The following MED13L variants were observed in gnomAD, a reference collection of about 807,000 sequenced individuals.
MED13L encodes mediator of RNA polymerase II transcription subunit 13-like.
Under a neutral mutation model 220.9 loss-of-function variants are expected in MED13L, and 7 were observed. That is an observed-to-expected ratio of 0.03 (90% confidence interval 0.02 to 0.06). The LOEUF (loss-of-function observed/expected upper bound fraction) is 0.06. Ranked by LOEUF, MED13L falls within the 10% of genes least tolerant of loss-of-function variation. The probability of loss-of-function intolerance (pLI) is 1.00; values close to 1 mark genes in which losing one functional copy is unlikely to be tolerated. For missense variants in MED13L, 1,965 were observed against 2,760.5 expected (o/e 0.71, Z 6.46); for synonymous variants, 1,011 against 1,015.2 (o/e 1.00, Z 0.08).
chr12:115,984,639 A>C (rs961293696), intron 19 of MED13L, among the ~76,000 whole-genome samples: 1 of 152,180 alleles, frequency 6.6e-6, no homozygotes, highest in African/African-American at 2.4e-5. Context: ...CCTCCTGTAC[A>C]AGAGGAGGCT....
At chr12:116,162,471 G>C (rs1490511595) in intron 2 of MED13L, among the ~76,000 whole-genome samples, 1 of 152,146 alleles carries the variant, frequency 6.6e-6, no homozygotes, top group East Asian at 1.9e-4. Flanking sequence ...TAATACAAGA[G>C]GGTTAAGGAT....
intron 4 of MED13L, among the ~76,000 whole-genome samples, chr12:116,031,826 AAG>A (rs1341882969): frequency 2.0e-5 from 3 of 150,738 alleles, no homozygotes; most frequent in African/African-American, 7.3e-5. Flanking sequence ...GAAAAAAAGA[AAG>A]AAAGTGGTGA....
intron 4 of MED13L, among the ~76,000 whole-genome samples, chr12:116,080,507 A>G (rs1309255995): frequency 6.6e-6 from 1 of 152,204 alleles, no homozygotes; most frequent in Non-Finnish European, 1.5e-5. Flanking sequence ...ACACTGCAGC[A>G]AATTCACAAG....
At chr12:116,109,651 G>A (rs1177092585) in intron 3 of MED13L, among the ~76,000 whole-genome samples, 1 of 152,148 alleles carries the variant, frequency 6.6e-6, no homozygotes, top group East Asian at 1.9e-4. Flanking sequence ...CTTTATTCTG[G>A]TACAGGATTA....
At chr12:116,207,547 A>C (rs1241489928) in intron 2 of MED13L, among the ~76,000 whole-genome samples, 2 of 152,178 alleles carry the variant, frequency 1.3e-5, no homozygotes, top group East Asian at 1.9e-4. Context: ...AGACAACAAC[A>C]AAAAAAGAGT....
At chr12:116,032,611 C>G (rs1880920243) in intron 4 of MED13L, among the ~76,000 whole-genome samples, 1 of 152,176 alleles carries the variant, frequency 6.6e-6, no homozygotes, top group South Asian at 2.1e-4. Flanking sequence ...CTTTCAGATA[C>G]CGACATGGCT....
chr12:116,076,552 T>C (rs1319774779), intron 4 of MED13L, among the ~76,000 whole-genome samples: 1 of 151,764 alleles, frequency 6.6e-6, no homozygotes, highest in Admixed American at 6.6e-5. Flanking sequence ...CAAAACAAAA[T>C]AAAAACCAAA....
intron 3 of MED13L, among the ~76,000 whole-genome samples, chr12:116,108,624 A>T (rs1873806972): frequency 6.6e-6 from 1 of 152,218 alleles, no homozygotes; most frequent in Non-Finnish European, 1.5e-5. Context: ...AAAGAACAAC[A>T]GGATTAGTAC....
intron 2 of MED13L, among the ~76,000 whole-genome samples, chr12:116,147,395 A>T (rs1415542411): frequency 2.0e-5 from 3 of 152,358 alleles, no homozygotes; most frequent in Admixed American, 2.0e-4. Context: ...TACAGAAATA[A>T]CCAGACAGTT....
At chr12:116,112,428 C>A (rs1874167720) in intron 2 of MED13L, among the ~76,000 whole-genome samples, 1 of 152,170 alleles carries the variant, frequency 6.6e-6, no homozygotes, top group Non-Finnish European at 1.5e-5. Flanking sequence ...ATGTTTAATG[C>A]TTTTACCACA....
chr12:116,235,254 C>T (rs1869968518), intron 2 of MED13L, among the ~76,000 whole-genome samples: 1 of 152,016 alleles, frequency 6.6e-6, no homozygotes, highest in African/African-American at 2.4e-5. Flanking sequence ...AAAACTTGCT[C>T]AAAATTCATA....
intron 4 of MED13L, 142 bp from the exon 5 acceptor site, chr12:116,022,743 C>T: frequency 1.1e-6 from 1 of 874,686 alleles, no homozygotes; most frequent in Non-Finnish European, 1.8e-6. Flanking sequence ...AGAGAAACTT[C>T]TAATTCAGTA....
intron 1 of MED13L, among the ~76,000 whole-genome samples, chr12:116,252,881 C>T (rs1871682492): frequency 6.6e-6 from 1 of 152,008 alleles, no homozygotes; most frequent in African/African-American, 2.4e-5. Flanking sequence ...AATTTTTGTG[C>T]CAATAAATAA....
chr12:116,063,813 C>G (rs1041525661), intron 4 of MED13L, among the ~76,000 whole-genome samples: 3 of 152,112 alleles, frequency 2.0e-5, no homozygotes, highest in Non-Finnish European at 4.4e-5. Context: ...GTAGAGTCAT[C>G]CCACTGTACC....
chr12:116,217,251 A>G (rs1241935714), intron 2 of MED13L, among the ~76,000 whole-genome samples: 2 of 152,246 alleles, frequency 1.3e-5, no homozygotes, highest in Non-Finnish European at 2.9e-5. Context: ...GGAATGAAAC[A>G]GGAGCCCAAT....
chr12:116,070,145 G>T (rs140643515), intron 4 of MED13L, among the ~76,000 whole-genome samples: 2 of 152,168 alleles, frequency 1.3e-5, no homozygotes, highest in African/African-American at 4.8e-5. Flanking sequence ...GCTGCCAGGG[G>T]TCATGTCCAA....
At chr12:115,983,984 C>T (rs1348984398) in intron 20 of MED13L, among the ~76,000 whole-genome samples, 196 bp downstream of exon 20, 3 of 152,168 alleles carry the variant, frequency 2.0e-5, no homozygotes, top group African/African-American at 7.2e-5. Flanking sequence ...GATTAGGCAA[C>T]TTTGAATAGT....
At chr12:116,232,172 A>G in intron 2 of MED13L, 2 of 979,320 alleles carry the variant, frequency 2.0e-6, no homozygotes, top group Non-Finnish European at 2.4e-6. Context: ...AAATAGAAAA[A>G]GCAATATTTA....
In MED13L at chr12:116,197,765, C is replaced by CA. The variant is rs769279932; in HGVS notation, c.310+39702dup. 6.6e-4 allele frequency among the ~76,000 whole-genome samples: 94 copies of CA among 142,676 alleles called. 1 individual carries two copies. The highest frequency in any genetic ancestry group is 1.0e-3 in the Non-Finnish European group (67 of 65,548). 93.6% of individuals were successfully genotyped at this position (142,676 alleles called of 152,430 possible). The stretch of plus-strand genomic sequence containing the variant: ...GGGCAATAAGAGTGAAACTCCGTCT[C>CA]AAAAAAAGAAAAAAAGGAAAAAAAA... On this transcript the variant is annotated intron_variant, in intron 2 of 30. Transcript: ENST00000281928.
Sources: allele counts gnomAD v4.1 joint callset (sites outside exome capture counted in the v4.1 genomes callset), GRCh38; gene constraint gnomAD v4.1.1; transcripts MANE v1.5; gene names NCBI Gene and HGNC (gene_info 2026-07-23, HGNC 2026-07-21).